The following GNAS-AS1 variants were observed in gnomAD, a reference collection of about 807,000 sequenced individuals.
GNAS-AS1 encodes GNAS antisense RNA 1, also known as GNAS antisense RNA 1 (non-protein coding).
Position 58,840,129 on chromosome 20 carries a change from A to G in GNAS-AS1, n.819+1808T>C, listed in dbSNP as rs1225314176. On this transcript the variant is annotated intron_variant and non_coding_transcript_variant, in intron 4 of 4. Transcript: ENST00000424094. The surrounding 1 kb of genome is among the most constrained non-coding windows in gnomAD (Gnocchi z 6.0). ...AGGATGGATCGGAGGTCCCGGGCTC[A>G]GCAGTGGCGCCGAGCTCGCCATAAT... 6.2e-7 allele frequency: 1 copy of G among 1,611,466 alleles called. No individual in the cohort carries two copies. The highest frequency in any genetic ancestry group is 8.5e-7 in the Non-Finnish European group (1 of 1,179,938).
At chr20:58,818,960 C>T (rs1384285548) in exon 5 of GNAS-AS1, 4 of 398,318 alleles carry the variant, frequency 1.0e-5, no homozygotes, top group Non-Finnish European at 1.3e-5. Flanking sequence ...CTTTATTCAA[C>T]ACTAGATACG....
chr20:58,850,718 C>G, exon 1 of GNAS-AS1: 2 of 398,922 alleles, frequency 5.0e-6, no homozygotes, highest in East Asian at 7.1e-5. Flanking sequence ...TCAACACACC[C>G]AAGGGTTGGC....
chr20:58,830,145 TACCACC>T (rs968922408), intron 4 of GNAS-AS1, among the ~76,000 whole-genome samples: 1 of 150,136 alleles, frequency 6.7e-6, no homozygotes, highest in Non-Finnish European at 1.5e-5. Context: ...ACCACCACCA[TACCACC>T]ACCACCACCA....
intron 4 of GNAS-AS1, among the ~76,000 whole-genome samples, chr20:58,838,309 G>C (rs542937988): frequency 6.6e-6 from 1 of 152,270 alleles, no homozygotes; most frequent in East Asian, 1.9e-4. Flanking sequence ...CTAGGGCCAA[G>C]AAAGAGCGGC....
chr20:58,840,591 G>GTC lies in GNAS-AS1; in HGVS notation n.819+1344_819+1345dup. The GTC allele has an allele frequency of 3.7e-6, 6 of 1,610,902 alleles. No individual in the cohort carries two copies. Among genetic ancestry groups the GTC allele is most frequent in the Non-Finnish European group, 5.1e-6 (6 of 1,178,910 alleles). On this transcript the variant is annotated intron_variant and non_coding_transcript_variant, in intron 4 of 4. Transcript: ENST00000424094. The surrounding 1 kb of genome is among the most constrained non-coding windows in gnomAD (Gnocchi z 6.0). ...ACCTTCGGCCAGTCCCTCACCCAGC[G>GTC]TCTGCACGCTCTCAAGTTGCGAAGC...
In GNAS-AS1 at chr20:58,840,444, G is replaced by GCGAGACCGAGTCCGAAATCGAGTC; in HGVS notation, n.819+1469_819+1492dup. ...GAAGAGTTCGACTACGAGACCGAGAGCGAGACCGAGTCCGAAATCGAGTCC... is the reference window on the plus strand; with the variant it reads ...GAAGAGTTCGACTACGAGACCGAGAGCGAGACCGAGTCCGAAATCGAGTCCGAGACCGAGTCCGAAATCGAGTCC... On this transcript the variant is annotated intron_variant and non_coding_transcript_variant, in intron 4 of 4. Coordinates refer to ENST00000424094, the Ensembl canonical transcript of GNAS-AS1. This position sits in a 1 kb window ranked among gnomAD's most constrained non-coding sequence, Gnocchi z 6.0. The GCGAGACCGAGTCCGAAATCGAGTC allele has an allele frequency of 6.2e-7, 1 of 1,613,368 alleles. No homozygotes were observed. Among genetic ancestry groups the GCGAGACCGAGTCCGAAATCGAGTC allele is most frequent in the Non-Finnish European group, 8.5e-7 (1 of 1,179,714 alleles).
At position 58,840,105 on chromosome 20, in the gene GNAS-AS1, G is replaced by C. The variant is rs1278106909; in HGVS notation, n.819+1832C>G. 1.9e-6 allele frequency: 3 copies of C among 1,610,336 alleles called. No homozygotes were observed. The African/African-American group carries it at 4.0e-5, about 22-fold the overall frequency. ...CCGGCTTCTCGGTGTGTGCCTAAGA[G>C]GATGGATCGGAGGTCCCGGGCTCAG... is the stretch of plus-strand genomic sequence containing the variant. On this transcript the variant is annotated intron_variant and non_coding_transcript_variant, in intron 4 of 4. Transcript: ENST00000424094. This position sits in a 1 kb window ranked among gnomAD's most constrained non-coding sequence, Gnocchi z 6.0.
rs543667430 is a variant in GNAS-AS1 at position 58,850,801 on chromosome 20, G to C, written n.103C>G. 36 of 398,790 alleles carry C rather than the reference G, an allele frequency of 9.0e-5. No homozygotes were observed. In the South Asian group the frequency reaches 4.1e-3, roughly 45 times the overall value. The allele number at this position is 398,790 out of a possible 1,614,324, so 24.7% of individuals were successfully genotyped here. A position where few individuals can be genotyped will look rare whatever the true frequency, so the allele number is the denominator to read the frequency against. On this transcript the variant is annotated non_coding_transcript_exon_variant, in exon 1 of 5. Transcript: ENST00000424094. ...GGAAGAGTGACCCCACGGCGCTAGC[G>C]GTCCTCGTGGTCTTCCAGGCCTAGC...
chr20:58,836,599 T>C (rs1357065494), intron 4 of GNAS-AS1: 2 of 152,250 alleles, frequency 1.3e-5, no homozygotes, highest in Non-Finnish European at 2.9e-5. Flanking sequence ...GAGCCCCTTG[T>C]TCCTCAGCCC....
intron 2 of GNAS-AS1, among the ~76,000 whole-genome samples, chr20:58,846,635 G>A (rs141103094): frequency 1.6e-4 from 24 of 152,332 alleles, no homozygotes; most frequent in African/African-American, 5.5e-4. Flanking sequence ...GGTCCAAGGG[G>A]CACAGGCCAA....
chr20:58,839,867 T>C (rs2085654623), intron 4 of GNAS-AS1: 2 of 596,942 alleles, frequency 3.4e-6, no homozygotes, highest in East Asian at 2.8e-5. Context: ...TTCCCCTTTT[T>C]TCCCATCCCT....
At chr20:58,839,307 T>A in intron 4 of GNAS-AS1, 1 of 398,656 alleles carries the variant, frequency 2.5e-6, no homozygotes, top group Non-Finnish European at 4.4e-6. Flanking sequence ...GAAGTTACCA[T>A]CCTCAAACTA....
At chr20:58,830,357 CACCACCACCACAACACCATCACCACA>C (rs1568900177) in intron 4 of GNAS-AS1, among the ~76,000 whole-genome samples, 13 of 143,282 alleles carry the variant, frequency 9.1e-5, no homozygotes, top group South Asian at 2.3e-4. Flanking sequence ...ACACCACCAT[CACCACCACCACAACACCATCACCACA>C]ATCACCACCA....
At chr20:58,823,826 TC>T (rs750310924) in intron 4 of GNAS-AS1, among the ~76,000 whole-genome samples, 8 of 152,144 alleles carry the variant, frequency 5.3e-5, no homozygotes, top group Non-Finnish European at 1.0e-4. Context: ...TTTAGAGCAC[TC>T]CTAGTGCTCA....
At chr20:58,824,496 C>A (rs2085507089) in intron 4 of GNAS-AS1, among the ~76,000 whole-genome samples, 1 of 152,248 alleles carries the variant, frequency 6.6e-6, no homozygotes, top group Non-Finnish European at 1.5e-5. Flanking sequence ...CATAGCACAG[C>A]AGGCCCACCC....
In GNAS-AS1 at chr20:58,840,508, C is replaced by A; in HGVS notation, n.819+1429G>T. Reference sequence around the variant, plus strand: ...AGACCGAGCCTGAGACCGCCCCCACCACTGAGCCCGAGACCGAGCCTGAAG... The same window carrying A: ...AGACCGAGCCTGAGACCGCCCCCACAACTGAGCCCGAGACCGAGCCTGAAG... On this transcript the variant is annotated intron_variant and non_coding_transcript_variant, in intron 4 of 4. Coordinates refer to ENST00000424094, the Ensembl canonical transcript of GNAS-AS1. This position sits in a 1 kb window ranked among gnomAD's most constrained non-coding sequence, Gnocchi z 6.0. 6.2e-7 allele frequency: 1 copy of A among 1,613,326 alleles called. No individual in the cohort carries two copies. Among genetic ancestry groups the A allele is most frequent in the Non-Finnish European group, 8.5e-7 (1 of 1,179,788 alleles).
Position 58,841,891 on chromosome 20 carries a change from G to T in GNAS-AS1, n.819+46C>A, listed in dbSNP as rs989998669. On this transcript the variant is annotated intron_variant and non_coding_transcript_variant, in intron 4 of 4. Coordinates refer to ENST00000424094, the Ensembl canonical transcript of GNAS-AS1. The surrounding 1 kb of genome is among the most constrained non-coding windows in gnomAD (Gnocchi z 5.0). ...AAGTGGAAAGGTAAAGCGGAACAAG[G>T]GACAGGCTGGAGACGGGGGTCGCGT... is the stretch of plus-strand genomic sequence containing the variant. 1.6e-6 allele frequency: 2 copies of T among 1,231,346 alleles called. No individual in the cohort carries two copies. The highest frequency in any genetic ancestry group is 2.0e-6 in the Non-Finnish European group (2 of 987,780). 76.3% of individuals were successfully genotyped at this position (1,231,346 alleles called of 1,614,324 possible). A position where few individuals can be genotyped will look rare whatever the true frequency, so the allele number is the denominator to read the frequency against.
At chr20:58,845,483 C>T (rs1162191028) in intron 2 of GNAS-AS1, among the ~76,000 whole-genome samples, 3 of 152,094 alleles carry the variant, frequency 2.0e-5, no homozygotes, top group African/African-American at 7.2e-5. Context: ...ACCGCATCCC[C>T]CAAAACCAGT....
chr20:58,847,352 C>A (rs1336882826), intron 2 of GNAS-AS1, among the ~76,000 whole-genome samples: 3 of 152,146 alleles, frequency 2.0e-5, no homozygotes, highest in African/African-American at 7.2e-5. Flanking sequence ...GCCACGCAGA[C>A]CCCTCTGCAG....
Sources: gnomAD v4.1 joint callset for allele counts (sites outside exome capture counted in the v4.1 genomes callset) on GRCh38, gnomAD v4.1.1 for gene constraint, Gnocchi (gnomAD v3.1) non-coding constraint, MANE v1.5 for transcripts, NCBI Gene and HGNC (gene_info 2026-07-23, HGNC 2026-07-21) for gene names.